TM9SF4: variants seen among roughly 807,000 people sequenced by gnomAD.
The protein encoded by TM9SF4 is transmembrane 9 superfamily member 4, also known as dinucleotide oxidase disulfide thiol exchanger 3 superfamily member 4.
In TM9SF4, 26 loss-of-function variants were observed where a neutral mutation model predicts 90.4. The ratio of observed to expected loss-of-function variants is 0.29; its 90% CI spans 0.21 to 0.40. The LOEUF is 0.40. TM9SF4 is among the 10% of genes least tolerant of loss of function. TM9SF4 has a pLI of 1.00. For missense variants in TM9SF4, 549 were observed against 834.8 expected, an observed-to-expected ratio of 0.66 and a Z score of 4.22; for synonymous variants, 293 against 315.4, an observed-to-expected ratio of 0.93 and a Z score of 0.75.
intron 1 of TM9SF4, among the ~76,000 whole-genome samples, chr20:32,114,686 C>T (rs941808818): frequency 6.6e-6 from 1 of 152,146 alleles, no homozygotes; most frequent in African/African-American, 2.4e-5. Context: ...TGATAGAGTC[C>T]TGGAACAGAA....
intron 1 of TM9SF4, among the ~76,000 whole-genome samples, chr20:32,121,854 G>A (rs1216106072): frequency 4.1e-5 from 6 of 147,312 alleles, no homozygotes; most frequent in South Asian, 4.4e-4. Context: ...CCTCCCTCCC[G>A]GACGGGGCGG....
At chr20:32,136,334 C>T (rs1460108253) in intron 3 of TM9SF4, among the ~76,000 whole-genome samples, 161 bp downstream of exon 3, 1 of 152,212 alleles carries the variant, frequency 6.6e-6, no homozygotes, top group Non-Finnish European at 1.5e-5. Flanking sequence ...CCCGGGGAGA[C>T]AGTTGCTGTG....
At chr20:32,145,460 G>T (rs745519189) in intron 8 of TM9SF4, 37 bp downstream of exon 8, 13 of 1,584,442 alleles carry the variant, frequency 8.2e-6, no homozygotes, top group Admixed American at 1.7e-5. Flanking sequence ...GGGGATGGGG[G>T]TTGGGGTTGA....
intron 5 of TM9SF4, among the ~76,000 whole-genome samples, chr20:32,142,465 CA>C (rs780544478): frequency 9.2e-5 from 14 of 152,324 alleles, no homozygotes; most frequent in Non-Finnish European, 1.6e-4. Context: ...CCCCTGTCCC[CA>C]AAGGGCGTCT....
chr20:32,140,575 A>T (rs139560592), intron 3 of TM9SF4, among the ~76,000 whole-genome samples: 117 of 152,152 alleles, frequency 7.7e-4, no homozygotes, highest in Non-Finnish European at 1.2e-3. Flanking sequence ...ATGCCTGCCT[A>T]CTCTGTGCCT....
At chr20:32,121,731 C>T (rs1421410157) in intron 1 of TM9SF4, among the ~76,000 whole-genome samples, 7 of 152,136 alleles carry the variant, frequency 4.6e-5, no homozygotes, top group African/African-American at 1.4e-4. Context: ...ACCTCCCAGA[C>T]GGGGTGGTGG....
intron 17 of TM9SF4, among the ~76,000 whole-genome samples, chr20:32,165,077 C>T (rs1023199827): frequency 2.6e-5 from 4 of 152,126 alleles, no homozygotes; most frequent in African/African-American, 9.7e-5. Flanking sequence ...TGGGCCTGGC[C>T]CCTGAGGCTA....
intron 1 of TM9SF4, among the ~76,000 whole-genome samples, chr20:32,120,126 T>C (rs1010884340): frequency 1.3e-5 from 2 of 152,194 alleles, no homozygotes; most frequent in African/African-American, 4.8e-5. Flanking sequence ...ATGTTCTGGG[T>C]CCTTTGTATT....
rs555262129 is a variant in TM9SF4 at position 32,120,573 on chromosome 20, T to C, written c.15+10818T>C. 1.2e-3 allele frequency among the ~76,000 whole-genome samples: 177 copies of C among 152,324 alleles called. 1 individual carries two copies. Among genetic ancestry groups the C allele is most frequent in the African/African-American group, 4.0e-3 (165 of 41,582 alleles). On this transcript the variant is annotated intron_variant, in intron 1 of 17. Coordinates refer to ENST00000398022, the MANE Select transcript of TM9SF4 (RefSeq NM_014742.4). The stretch of plus-strand genomic sequence containing the variant: ...GATACACAATCATGTGATCCGCAAC[T>C]AAAAGCACTTTTTGCTTATTTCTTT...
intron 13 of TM9SF4, among the ~76,000 whole-genome samples, chr20:32,155,883 A>G (rs1008388067): frequency 1.3e-5 from 2 of 152,174 alleles, no homozygotes; most frequent in African/African-American, 4.8e-5. Context: ...CTTTCCCAGC[A>G]ACTTAGGAAG....
intron 15 of TM9SF4, 62 bp downstream of exon 15, chr20:32,158,576 C>T (rs1312969416): frequency 4.5e-6 from 7 of 1,558,858 alleles, no homozygotes; most frequent in East Asian, 2.2e-5. Flanking sequence ...CCACTCCACT[C>T]GGGTGCTCTG....
Position 32,144,951 on chromosome 20 carries a change from G to T in TM9SF4, c.653-140G>T. The T allele has an allele frequency of 4.2e-6, 3 of 708,304 alleles. No homozygotes were observed. In the South Asian group the frequency reaches 5.0e-5, roughly 12 times the overall value. 43.9% of individuals were successfully genotyped at this position (708,304 alleles called of 1,614,324 possible). ...TAAAAAATGAAAAAAAACCATTGTT[G>T]CCCATTGTGCTCCCAGTCTCCACTC... On this transcript the variant is annotated intron_variant, in intron 6 of 17. Transcript: ENST00000398022.
intron 1 of TM9SF4, among the ~76,000 whole-genome samples, chr20:32,123,863 TA>T (rs11475388): frequency 0.065 from 4,858 of 75,098 alleles, 420 homozygotes; most frequent in African/African-American, 0.27. Context: ...TATATATATA[TA>T]TATTTTTTTT....
Position 32,115,807 on chromosome 20 carries a change from C to CTTTTTTTTTTT in TM9SF4, c.15+6066_15+6076dup, listed in dbSNP as rs386393622. The stretch of plus-strand genomic sequence containing the variant: ...TAATAACAAAACCTACCACTTTAAG[C>CTTTTTTTTTTT]TTTTTTTTTTTTTTTTTTTTTTTTG... On this transcript the variant is annotated intron_variant, in intron 1 of 17. Coordinates refer to ENST00000398022, the MANE Select transcript of TM9SF4 (RefSeq NM_014742.4). Among the ~76,000 whole-genome samples the CTTTTTTTTTTT allele has an allele frequency of 9.5e-5, 9 of 95,166 alleles. 1 individual carries two copies. The highest frequency in any genetic ancestry group is 1.1e-4 in the Non-Finnish European group (6 of 52,334). The allele number at this position is 95,166 out of a possible 152,430, so 62.4% of individuals were successfully genotyped here. A position where few individuals can be genotyped will look rare whatever the true frequency, so the allele number is the denominator to read the frequency against.
intron 12 of TM9SF4, among the ~76,000 whole-genome samples, chr20:32,151,943 G>A (rs2046847953): frequency 6.6e-6 from 1 of 150,748 alleles, no homozygotes; most frequent in Non-Finnish European, 1.5e-5. Context: ...CTCACTGCAA[G>A]CTCTGCCTCC....
At chr20:32,113,103 G>C (rs951574985) in intron 1 of TM9SF4, among the ~76,000 whole-genome samples, 2 of 152,176 alleles carry the variant, frequency 1.3e-5, no homozygotes, top group Non-Finnish European at 2.9e-5. Flanking sequence ...TCTCTGAGGT[G>C]AGTCATACAG....
At chr20:32,113,908 TATA>T (rs1480661018) in intron 1 of TM9SF4, among the ~76,000 whole-genome samples, 1 of 152,250 alleles carries the variant, frequency 6.6e-6, no homozygotes, top group Non-Finnish European at 1.5e-5. Context: ...AAGATAATTA[TATA>T]ATATGTGATC....
chr20:32,145,220 G>C lies in TM9SF4; in HGVS notation c.771+11G>C, dbSNP rs770655350. On this transcript the variant is annotated intron_variant, in intron 7 of 17. Transcript: ENST00000398022. ...TCTGTCCACTGGGAGGTGAGAAGGG[G>C]CTGGAGCTCATGGGCAGGGGAGGAG... The C allele has an allele frequency of 1.2e-6, 2 of 1,614,120 alleles. No homozygotes were observed. Among genetic ancestry groups the C allele is most frequent in the South Asian group, 2.2e-5 (2 of 91,078 alleles).
intron 5 of TM9SF4, 37 bp downstream of exon 5, chr20:32,141,932 C>G: frequency 6.2e-7 from 1 of 1,612,782 alleles, no homozygotes; most frequent in Non-Finnish European, 8.5e-7. Flanking sequence ...GACCGGGAGC[C>G]ACACCTCACG....
Sources: gnomAD v4.1 joint callset for allele counts (sites outside exome capture counted in the v4.1 genomes callset) on GRCh38, gnomAD v4.1.1 for gene constraint, MANE v1.5 for transcripts, NCBI Gene and HGNC (gene_info 2026-07-23, HGNC 2026-07-21) for gene names.